The following POPDC3 variants were observed in gnomAD, a reference collection of about 807,000 sequenced individuals.
POPDC3 encodes the protein popeye domain cAMP effector 3, also known as popeye domain-containing protein 3.
A neutral mutation model predicts 28.2 loss-of-function variants in POPDC3; 20 were observed. That is an observed-to-expected ratio of 0.71 (90% CI 0.50 to 1.03). The LOEUF (loss-of-function observed/expected upper bound fraction) is 1.03, where lower values mean the gene tolerates loss of function less well. POPDC3 is among the 50% of genes least tolerant of loss of function. The pLI is 0.00. For missense variants in POPDC3, 316 were observed against 345.9 expected, an observed-to-expected ratio of 0.91 and a Z score of 0.69; for synonymous variants, 118 against 124.1, an observed-to-expected ratio of 0.95 and a Z score of 0.33.
Position 105,161,735 on chromosome 6 carries a change from A to G in POPDC3, c.175T>C (p.Leu59=). ...GLLYVFSLLG[L]GFLCSAVWAW... is the part of the protein sequence containing the mutation. ...CAGACAGCAGAACAGAGAAAACCCA[A>G]CCCCAGCAAACTGAAGACATAAAGG... Residue 59 remains leucine (L), a synonymous_variant, in exon 2 of 4, where the codon TTG becomes CTG. Transcript: ENST00000254765. 2 of 1,614,154 alleles carry G rather than the reference A, an allele frequency of 1.2e-6. No individual in the cohort carries two copies. Among genetic ancestry groups the G allele is most frequent in the Non-Finnish European group, 1.7e-6 (2 of 1,180,028 alleles).
Position 105,158,661 on chromosome 6 carries a change from G to A in POPDC3, c.685C>T (p.Arg229Cys), listed in dbSNP as rs745683947. 17 of 1,613,904 alleles carry A rather than the reference G, an allele frequency of 1.1e-5. No homozygotes were observed. Among genetic ancestry groups the A allele is most frequent in the Admixed American group, 5.0e-5 (3 of 59,990 alleles). ...CTGCCAATTAGCACTGAAAAAAGGC[G>A]GGAGATGTAGCGATGCTGAGCAAAG... ...LLFAQHRYISRLFSVLIGSDI... is the reference protein window; with the variant it reads ...LLFAQHRYISCLFSVLIGSDI... Residue 229 changes from arginine (R) to cysteine (C), a missense_variant, in exon 4 of 4, where the codon CGC (arginine) becomes TGC (cysteine). Coordinates refer to ENST00000254765, the MANE Select transcript of POPDC3 (RefSeq NM_022361.5).
intron 1 of POPDC3, among the ~76,000 whole-genome samples, chr6:105,176,381 T>C (rs1774683097): frequency 6.6e-6 from 1 of 152,196 alleles, no homozygotes; most frequent in Non-Finnish European, 1.5e-5. Context: ...CCGCCTGTGA[T>C]TGGCTGAAAC....
chr6:105,163,191 T>C (rs1774383685), intron 1 of POPDC3, among the ~76,000 whole-genome samples: 2 of 152,238 alleles, frequency 1.3e-5, no homozygotes, highest in South Asian at 4.1e-4. Context: ...TACTTTGTTG[T>C]ATTAGTGGTT....
chr6:105,166,862 A>G (rs1774465897), intron 1 of POPDC3, among the ~76,000 whole-genome samples: 1 of 91,164 alleles, frequency 1.1e-5, no homozygotes, highest in South Asian at 5.0e-4. Context: ...AAATGAACAT[A>G]GATGGTTGTG....
intron 1 of POPDC3, among the ~76,000 whole-genome samples, chr6:105,173,056 T>A (rs1774612059): frequency 6.6e-6 from 1 of 152,190 alleles, no homozygotes; most frequent in Non-Finnish European, 1.5e-5. Context: ...AGTTGTTGCA[T>A]ACTAAATTTT....
chr6:105,159,885 G>C (rs1228813524), intron 2 of POPDC3, 66 bp from the exon 3 acceptor site: 2 of 1,062,920 alleles, frequency 1.9e-6, no homozygotes, highest in Non-Finnish European at 2.9e-6. Flanking sequence ...GGGGAGGGGT[G>C]GGGGGTAGAG....
intron 1 of POPDC3, chr6:105,169,637 T>C (rs1482975326): frequency 2.0e-5 from 3 of 152,198 alleles, no homozygotes; most frequent in Non-Finnish European, 2.9e-5. Flanking sequence ...TTTCTTCAAA[T>C]TGTGTGACGC....
At chr6:105,160,440 C>G (rs1774297376) in intron 2 of POPDC3, among the ~76,000 whole-genome samples, 2 of 51,908 alleles carry the variant, frequency 3.9e-5, no homozygotes, top group Admixed American at 3.3e-4. Flanking sequence ...TCTCGAACTC[C>G]TGACCTCAAG....
rs1447331850 is a variant in POPDC3 at position 105,178,999 on chromosome 6, A to T, written c.-252+834T>A. On this transcript the variant is annotated intron_variant, in intron 1 of 3. Coordinates refer to ENST00000254765, the MANE Select transcript of POPDC3 (RefSeq NM_022361.5). ...TTTAGTAAATCAAATTGCGTCCAAAAGTGGGCTTCTAATTCTACTTTTCCA... is the reference window on the plus strand; with the variant it reads ...TTTAGTAAATCAAATTGCGTCCAAATGTGGGCTTCTAATTCTACTTTTCCA... The T allele has an allele frequency of 8.1e-6, 8 of 985,342 alleles. No individual in the cohort carries two copies. In the Admixed American group the frequency reaches 3.7e-4, roughly 45 times the overall value. 61.0% of individuals were successfully genotyped at this position (985,342 alleles called of 1,614,324 possible). A position where few individuals can be genotyped will look rare whatever the true frequency, so the allele number is the denominator to read the frequency against.
chr6:105,158,437 T>C lies in POPDC3; in HGVS notation c.*33A>G. On this transcript the variant is annotated 3_prime_UTR_variant, in exon 4 of 4. Transcript: ENST00000254765. ...ACTGGGGAATGATGAAGAGAGAGTC[T>C]TTTTTTATACTTATAAATTTCAGAC... The C allele has an allele frequency of 6.6e-7, 1 of 1,526,716 alleles. No individual in the cohort carries two copies. Among genetic ancestry groups the C allele is most frequent in the South Asian group, 1.3e-5 (1 of 77,668 alleles). 94.6% of individuals were successfully genotyped at this position (1,526,716 alleles called of 1,614,324 possible). A position where few individuals can be genotyped will look rare whatever the true frequency, so the allele number is the denominator to read the frequency against.
chr6:105,174,787 A>G (rs900552780), intron 1 of POPDC3, among the ~76,000 whole-genome samples: 1 of 152,246 alleles, frequency 6.6e-6, no homozygotes, highest in Non-Finnish European at 1.5e-5. Flanking sequence ...CAATCAAAGG[A>G]TGAATCAAAA....
chr6:105,179,332 C>CA, intron 1 of POPDC3: 1 of 878,678 alleles, frequency 1.1e-6, no homozygotes, highest in Non-Finnish European at 1.4e-6. Context: ...CCTTTGCTTA[C>CA]AGACCGGGGG....
chr6:105,179,220 TC>T (rs1774736320), intron 1 of POPDC3: 1 of 985,356 alleles, frequency 1.0e-6, no homozygotes, highest in East Asian at 1.1e-4. Context: ...GGCAGGGGGA[TC>T]CCCAAATGGA....
chr6:105,168,558 A>G (rs1175601623), intron 1 of POPDC3, among the ~76,000 whole-genome samples: 2 of 152,258 alleles, frequency 1.3e-5, no homozygotes, highest in African/African-American at 2.4e-5. Context: ...AGTGGTAGGC[A>G]GAATTCTAAG....
rs1774228259 is a variant in POPDC3, at chr6:105,158,371, T to C, written c.*99A>G. The C allele has an allele frequency of 3.9e-6, 4 of 1,034,596 alleles. No individual in the cohort carries two copies. The highest frequency in any genetic ancestry group is 5.5e-6 in the Non-Finnish European group (4 of 729,256). The allele number at this position is 1,034,596 out of a possible 1,614,324, so 64.1% of individuals were successfully genotyped here. ...GCATCTCGCTTCTGAATTTGATTTA[T>C]AAAAACATTAGGGAGCTCTTTTTTT... On this transcript the variant is annotated 3_prime_UTR_variant, in exon 4 of 4. Transcript: ENST00000254765.
Position 105,158,581 on chromosome 6 carries a change from T to C in POPDC3, c.765A>G (p.Arg255=), listed in dbSNP as rs762010270. 2.2e-5 allele frequency: 36 copies of C among 1,614,012 alleles called. No individual in the cohort carries two copies. In the East Asian group the frequency reaches 7.1e-4, roughly 32 times the overall value. ...ALNDRVYIGK[R]YHYDIRLPNF... is the part of the protein sequence containing the mutation. ...TGGGTAGCCGAATATCATAGTGATATCTTTTTCCTATATATACCCTGTCAT... is the reference window on the plus strand; with the variant it reads ...TGGGTAGCCGAATATCATAGTGATACCTTTTTCCTATATATACCCTGTCAT... The change falls in exon 4 of 4, where the codon AGA becomes AGG. Residue 255 remains arginine, a synonymous_variant. Coordinates refer to ENST00000254765, the MANE Select transcript of POPDC3 (RefSeq NM_022361.5).
rs766174156 is a variant in POPDC3 at position 105,158,433 on chromosome 6, A to T, written c.*37T>A. ...TTTCACTGGGGAATGATGAAGAGAG[A>T]GTCTTTTTTTATACTTATAAATTTC... On this transcript the variant is annotated 3_prime_UTR_variant, in exon 4 of 4. Coordinates refer to ENST00000254765, the MANE Select transcript of POPDC3 (RefSeq NM_022361.5). 5.3e-6 allele frequency: 8 copies of T among 1,512,178 alleles called. No individual in the cohort carries two copies. The highest frequency in any genetic ancestry group is 5.2e-5 in the South Asian group (4 of 76,348). The allele number at this position is 1,512,178 out of a possible 1,614,324, so 93.7% of individuals were successfully genotyped here.
At chr6:105,166,432 G>A (rs531160120) in intron 1 of POPDC3, 9 of 318,452 alleles carry the variant, frequency 2.8e-5, no homozygotes, top group African/African-American at 1.5e-4. Flanking sequence ...AAGAAGTGTC[G>A]AACAAATCTA....
chr6:105,159,645 A>T, intron 3 of POPDC3, 66 bp downstream of exon 3: 1 of 878,608 alleles, frequency 1.1e-6, no homozygotes. Flanking sequence ...TTATTTGTTT[A>T]CTTATTTTTA....
Sources: gnomAD v4.1 joint callset for allele counts (sites outside exome capture counted in the v4.1 genomes callset) on GRCh38, gnomAD v4.1.1 for gene constraint, MANE v1.5 for transcripts, NCBI Gene and HGNC (gene_info 2026-07-23, HGNC 2026-07-21) for gene names.